The following GRIA2 variants were observed in gnomAD, a reference collection of about 807,000 sequenced individuals.
The protein encoded by GRIA2 is glutamate ionotropic receptor AMPA type subunit 2.
In GRIA2, 14 loss-of-function variants were observed where a neutral mutation model predicts 97.3. That is an observed-to-expected ratio of 0.14 (90% CI 0.10 to 0.23). The LOEUF (loss-of-function observed/expected upper bound fraction) is 0.23, where lower values mean the gene tolerates loss of function less well. GRIA2 is among the 10% of genes least tolerant of loss of function. The pLI is 1.00. For missense variants in GRIA2, 558 were observed against 1,069.8 expected, an observed-to-expected ratio of 0.52 and a Z score of 6.67; for synonymous variants, 412 against 387.8, an observed-to-expected ratio of 1.06 and a Z score of -0.73.
At chr4:157,316,126 A>T (rs752442710) in intron 4 of GRIA2, among the ~76,000 whole-genome samples, 1 of 152,170 alleles carries the variant, frequency 6.6e-6, no homozygotes, top group Non-Finnish European at 1.5e-5. Context: ...CAGCAGGAAG[A>T]CATGGATGAT....
chr4:157,290,470 A>G (rs1408816387), intron 2 of GRIA2, among the ~76,000 whole-genome samples: 15 of 150,996 alleles, frequency 9.9e-5, no homozygotes, highest in Non-Finnish European at 3.0e-5. Flanking sequence ...TTCGTATTCA[A>G]AAACTCCATT....
At chr4:157,253,728 G>A (rs141644512) in intron 2 of GRIA2, among the ~76,000 whole-genome samples, 3 of 152,034 alleles carry the variant, frequency 2.0e-5, no homozygotes, top group Non-Finnish European at 4.4e-5. Context: ...TCCTATTGCT[G>A]CTCCTGTTTC....
Position 157,287,550 on chromosome 4 carries a change from T to C in GRIA2, c.230-16002T>C, listed in dbSNP as rs184592992. On this transcript the variant is annotated intron_variant, in intron 2 of 15. Transcript: ENST00000264426. ...TGTTTATTTGCTTTTGCTTAGTGAT[T>C]AGAGTTAAATTCAAAATTGCTTTCG... Among the ~76,000 whole-genome samples, 121 of 151,808 alleles carry C rather than the reference T, an allele frequency of 8.0e-4. No individual in the cohort carries two copies. In the South Asian group the frequency reaches 8.7e-3, roughly 11 times the overall value.
At chr4:157,348,114 C>CAA (rs1383997345) in intron 12 of GRIA2, among the ~76,000 whole-genome samples, 1 of 140,452 alleles carries the variant, frequency 7.1e-6, no homozygotes, top group Non-Finnish European at 1.6e-5. Flanking sequence ...GGCTCTGTCT[C>CAA]AAAAAAAAAA....
intron 12 of GRIA2, among the ~76,000 whole-genome samples, chr4:157,355,706 G>GTATATATTTATT (rs1241767971): frequency 3.6e-4 from 33 of 92,058 alleles, no homozygotes; most frequent in African/African-American, 1.4e-3. Flanking sequence ...ATATATATTT[G>GTATATATTTATT]TATATATTTA....
At position 157,220,915 on chromosome 4, in the gene GRIA2, C is replaced by A; in HGVS notation, c.-128C>A. 1 of 662,922 alleles carries A rather than the reference C, an allele frequency of 1.5e-6. No individual in the cohort carries two copies. Among genetic ancestry groups the A allele is most frequent in the South Asian group, 1.8e-5 (1 of 56,354 alleles). The allele number at this position is 662,922 out of a possible 1,614,324, so 41.1% of individuals were successfully genotyped here. A position where few individuals can be genotyped will look rare whatever the true frequency, so the allele number is the denominator to read the frequency against. On this transcript the variant is annotated 5_prime_UTR_variant, in exon 1 of 16. Transcript: ENST00000264426. ...CTTCTGCCTCCACTTCAGGTTTTAG[C>A]AGCTTGGTGCTAAATTGCTGTCTCA... is the stretch of plus-strand genomic sequence containing the variant.
intron 2 of GRIA2, among the ~76,000 whole-genome samples, chr4:157,281,663 T>G (rs1040296397): frequency 1.4e-5 from 2 of 146,846 alleles, no homozygotes; most frequent in Non-Finnish European, 3.0e-5. Context: ...CTCTTTTTTT[T>G]GTCTAATTGT....
chr4:157,256,226 A>AACATATATTACATATATATGATATATT (rs1554007393), intron 2 of GRIA2, among the ~76,000 whole-genome samples: 2 of 119,872 alleles, frequency 1.7e-5, no homozygotes, highest in African/African-American at 6.9e-5. Context: ...TATAATATAT[A>AACATATATTACATATATATGATATATT]ATATATAATA....
chr4:157,265,587 G>A (rs532676933), intron 2 of GRIA2, among the ~76,000 whole-genome samples: 3 of 152,118 alleles, frequency 2.0e-5, no homozygotes, highest in African/African-American at 7.2e-5. Context: ...CATTTCTGCT[G>A]CATTCTATTG....
intron 12 of GRIA2, among the ~76,000 whole-genome samples, chr4:157,358,428 C>T (rs1251606698): frequency 6.6e-6 from 1 of 152,084 alleles, no homozygotes; most frequent in Admixed American, 6.6e-5. Flanking sequence ...GCTTGATTCA[C>T]TAGGTAATGA....
Position 157,221,731 on chromosome 4 carries a change from T to C in GRIA2, c.153T>C (p.Phe51=), listed in dbSNP as rs1729504320. Residue 51 remains phenylalanine, a synonymous_variant, in exon 2 of 16, where the codon TTT becomes TTC. Transcript: ENST00000264426. The part of the protein sequence containing the change: ...YSAFRVGMVQ[F]STSEFRLTPH... ...CATTTCGAGTAGGGATGGTTCAGTT[T>C]TCCACTTCGGAGTTCAGACTGACAC... 1 of 1,613,994 alleles carries C rather than the reference T, an allele frequency of 6.2e-7. No individual in the cohort carries two copies. The highest frequency in any genetic ancestry group is 1.7e-5 in the Admixed American group (1 of 60,006).
chr4:157,333,029 A>G, intron 7 of GRIA2, 43 bp downstream of exon 7: 1 of 1,451,940 alleles, frequency 6.9e-7, no homozygotes, highest in East Asian at 2.3e-5. Context: ...TAATATGGCC[A>G]TTAATGTTTT....
chr4:157,233,848 CG>C (rs1193054902), intron 2 of GRIA2, among the ~76,000 whole-genome samples: 1 of 151,946 alleles, frequency 6.6e-6, no homozygotes, highest in Non-Finnish European at 1.5e-5. Flanking sequence ...CTGTAAAGCT[CG>C]GTAGCATAAG....
At chr4:157,258,547 G>T (rs1482547464) in intron 2 of GRIA2, among the ~76,000 whole-genome samples, 2 of 152,026 alleles carry the variant, frequency 1.3e-5, no homozygotes, top group Non-Finnish European at 2.9e-5. Flanking sequence ...AACTTCATTA[G>T]CAATTTTAAT....
At chr4:157,342,513 GCTTTTTTTA>G in intron 12 of GRIA2, 1 of 937,910 alleles carries the variant, frequency 1.1e-6, no homozygotes, top group Non-Finnish European at 1.3e-6. Context: ...ACCATCAGCA[GCTTTTTTTA>G]CTTTAATGCA....
chr4:157,297,994 A>C (rs1256540088), intron 2 of GRIA2, among the ~76,000 whole-genome samples: 1 of 152,098 alleles, frequency 6.6e-6, no homozygotes, highest in African/African-American at 2.4e-5. Flanking sequence ...TTGCATAAGG[A>C]GTTGAATTTG....
intron 4 of GRIA2, among the ~76,000 whole-genome samples, chr4:157,313,583 T>C (rs1329000143): frequency 6.6e-6 from 1 of 152,044 alleles, no homozygotes; most frequent in Non-Finnish European, 1.5e-5. Flanking sequence ...ATCTTAATAA[T>C]ACAGGTAAAA....
intron 7 of GRIA2, 78 bp downstream of exon 7, chr4:157,333,064 G>C (rs1043512006): frequency 1.7e-6 from 2 of 1,193,262 alleles, no homozygotes; most frequent in African/African-American, 3.1e-5. Context: ...AGTCATCCTT[G>C]TCTTATTCCT....
At chr4:157,307,391 C>G (rs1733890145) in intron 3 of GRIA2, among the ~76,000 whole-genome samples, 1 of 152,116 alleles carries the variant, frequency 6.6e-6, no homozygotes, top group Non-Finnish European at 1.5e-5. Flanking sequence ...GTATGGAACC[C>G]TCTTTGACTA....
Sources: gnomAD v4.1 joint callset for allele counts (sites outside exome capture counted in the v4.1 genomes callset) on GRCh38, gnomAD v4.1.1 for gene constraint, MANE v1.5 for transcripts, NCBI Gene and HGNC (gene_info 2026-07-23, HGNC 2026-07-21) for gene names.